The following CACNG3 variants were observed in gnomAD, a reference collection of about 807,000 sequenced individuals.
CACNG3 encodes calcium voltage-gated channel auxiliary subunit gamma 3, also known as voltage-dependent calcium channel gamma-3 subunit.
A neutral mutation model predicts 28.5 loss-of-function variants in CACNG3; 3 were observed. The ratio of observed to expected loss-of-function variants is 0.11; its 90% CI spans 0.05 to 0.27. The LOEUF is 0.27. Ranked by LOEUF, CACNG3 falls within the 10% of genes least tolerant of loss-of-function variation. CACNG3 has a pLI of 1.00. For synonymous variants in CACNG3, 174 were observed against 162.2 expected, an observed-to-expected ratio of 1.07 and a Z score of -0.55; for missense variants, 236 against 414.4, an observed-to-expected ratio of 0.57 and a Z score of 3.74.
chr16:24,344,287 C>A (rs914850675), intron 1 of CACNG3, among the ~76,000 whole-genome samples: 1 of 151,866 alleles, frequency 6.6e-6, no homozygotes, highest in Non-Finnish European at 1.5e-5. Flanking sequence ...CAAAAATTAG[C>A]CAGGCCTGGT....
At chr16:24,339,261 G>A (rs578262844) in intron 1 of CACNG3, among the ~76,000 whole-genome samples, 1 of 152,120 alleles carries the variant, frequency 6.6e-6, no homozygotes, top group Non-Finnish European at 1.5e-5. Context: ...TAAAATGCCA[G>A]TACCACAATG....
intron 1 of CACNG3, among the ~76,000 whole-genome samples, chr16:24,287,793 A>G (rs754318830): frequency 2.0e-5 from 3 of 152,242 alleles, no homozygotes; most frequent in Non-Finnish European, 4.4e-5. Context: ...ATTCTCAATA[A>G]TTAAATTCAA....
intron 1 of CACNG3, among the ~76,000 whole-genome samples, chr16:24,271,178 G>A (rs1298646599): frequency 6.6e-6 from 1 of 152,182 alleles, no homozygotes; most frequent in Non-Finnish European, 1.5e-5. Context: ...TTTGCTGTTT[G>A]ACAGGAAGAG....
At chr16:24,325,603 G>A (rs955114827) in intron 1 of CACNG3, among the ~76,000 whole-genome samples, 1 of 152,242 alleles carries the variant, frequency 6.6e-6, no homozygotes, top group African/African-American at 2.4e-5. Context: ...GCACGGGCTG[G>A]TGATTCACAG....
At chr16:24,285,845 C>CTTTTTTT (rs11406086) in intron 1 of CACNG3, among the ~76,000 whole-genome samples, 13 of 131,608 alleles carry the variant, frequency 9.9e-5, no homozygotes, top group Admixed American at 1.6e-4. Flanking sequence ...TCTTTCTTTT[C>CTTTTTTT]TTTTTTTTTT....
At chr16:24,348,514 C>T (rs931768715) in intron 2 of CACNG3, among the ~76,000 whole-genome samples, 1 of 152,172 alleles carries the variant, frequency 6.6e-6, no homozygotes. Flanking sequence ...GAGTACCCAG[C>T]TCAAAGAGGA....
chr16:24,351,397 C>A (rs1041295420), intron 2 of CACNG3, among the ~76,000 whole-genome samples: 3 of 151,850 alleles, frequency 2.0e-5, no homozygotes, highest in Admixed American at 6.6e-5. Flanking sequence ...TATGGTGAAA[C>A]CCAGTCTCAA....
intron 1 of CACNG3, among the ~76,000 whole-genome samples, chr16:24,259,260 G>A (rs1317761363): frequency 6.6e-6 from 1 of 152,220 alleles, no homozygotes; most frequent in Non-Finnish European, 1.5e-5. Context: ...CTGCACCCAT[G>A]TAATTAACAC....
intron 3 of CACNG3, among the ~76,000 whole-genome samples, chr16:24,357,651 G>A (rs535312429): frequency 3.9e-5 from 6 of 152,226 alleles, no homozygotes; most frequent in East Asian, 3.9e-4. Flanking sequence ...CACAGGTGGC[G>A]GTGGCCTCTA....
intron 1 of CACNG3, among the ~76,000 whole-genome samples, chr16:24,316,820 A>G (rs1258515748): frequency 6.6e-6 from 1 of 152,206 alleles, no homozygotes; most frequent in Non-Finnish European, 1.5e-5. Flanking sequence ...GTGGAAACAA[A>G]CAGACCTGGT....
chr16:24,355,058 C>A (rs1900011484), intron 3 of CACNG3, 85 bp downstream of exon 3: 10 of 1,351,998 alleles, frequency 7.4e-6, no homozygotes, highest in Non-Finnish European at 1.0e-5. Context: ...CTACTCAGGG[C>A]TCCCTCCAGG....
intron 3 of CACNG3, among the ~76,000 whole-genome samples, chr16:24,358,150 AC>A (rs1161797221): frequency 6.6e-6 from 1 of 152,224 alleles, no homozygotes; most frequent in African/African-American, 2.4e-5. Context: ...GCAATTAACA[AC>A]CCTTTAAATC....
rs1367826354 is a variant in CACNG3 at position 24,260,147 on chromosome 16, C to T, written c.211+3182C>T. Among the ~76,000 whole-genome samples the T allele has an allele frequency of 2.6e-5, 4 of 152,310 alleles. No individual in the cohort carries two copies. In the South Asian group the frequency reaches 8.3e-4, roughly 32 times the overall value. ...CCTTGAGTGACATGATCAGCCAAAC[C>T]AAGTTTACCTTGTAGCTGAATTTGG... On this transcript the variant is annotated intron_variant, in intron 1 of 3. Transcript: ENST00000005284.
intron 1 of CACNG3, among the ~76,000 whole-genome samples, chr16:24,274,873 T>C (rs1184355034): frequency 6.6e-6 from 1 of 152,186 alleles, no homozygotes; most frequent in East Asian, 1.9e-4. Flanking sequence ...GAAGTAATTG[T>C]CCCAAATTCT....
At chr16:24,270,221 C>G (rs1898668893) in intron 1 of CACNG3, among the ~76,000 whole-genome samples, 1 of 152,198 alleles carries the variant, frequency 6.6e-6, no homozygotes, top group East Asian at 1.9e-4. Flanking sequence ...CTTCCATCAC[C>G]TCATTCTACT....
intron 1 of CACNG3, among the ~76,000 whole-genome samples, chr16:24,285,845 C>T (rs201385794): frequency 2.4e-4 from 32 of 131,606 alleles, no homozygotes; most frequent in African/African-American, 7.4e-4. Context: ...TCTTTCTTTT[C>T]TTTTTTTTTT....
At chr16:24,334,859 G>A (rs900808605) in intron 1 of CACNG3, among the ~76,000 whole-genome samples, 8 of 152,166 alleles carry the variant, frequency 5.3e-5, no homozygotes, top group Non-Finnish European at 1.2e-4. Context: ...GAATACACAC[G>A]CATGCATGCA....
At chr16:24,314,002 C>T (rs1489430994) in intron 1 of CACNG3, among the ~76,000 whole-genome samples, 1 of 152,160 alleles carries the variant, frequency 6.6e-6, no homozygotes, top group Admixed American at 6.5e-5. Context: ...GCCTCAGCTT[C>T]CCAAAGTGCT....
At chr16:24,309,285 G>T (rs1044148842) in intron 1 of CACNG3, among the ~76,000 whole-genome samples, 8 of 152,196 alleles carry the variant, frequency 5.3e-5, no homozygotes, top group Non-Finnish European at 1.2e-4. Flanking sequence ...ACTTCCAACA[G>T]CTGTGCTATG....
Sources: allele counts gnomAD v4.1 joint callset (sites outside exome capture counted in the v4.1 genomes callset), GRCh38; gene constraint gnomAD v4.1.1; transcripts MANE v1.5; gene names NCBI Gene and HGNC (gene_info 2026-07-23, HGNC 2026-07-21).